The following ITPRID1 variants were observed in gnomAD, a reference collection of about 807,000 sequenced individuals.
ITPRID1 encodes protein ITPRID1.
ITPRID1 carries 96 observed loss-of-function variants against 95.4 expected under a neutral mutation model. The ratio of observed to expected loss-of-function variants is 1.01; its 90% CI spans 0.85 to 1.19. The LOEUF (loss-of-function observed/expected upper bound fraction) is 1.19. ITPRID1 is among the 50% of genes most tolerant of loss of function. The pLI, the probability that ITPRID1 is intolerant of heterozygous loss-of-function variation, is 0.00. For synonymous variants in ITPRID1, 510 were observed against 453.6 expected, an observed-to-expected ratio of 1.12 and a Z score of -1.58; for missense variants, 1,339 against 1,252.9, an observed-to-expected ratio of 1.07 and a Z score of -1.04.
intron 10 of ITPRID1, among the ~76,000 whole-genome samples, chr7:31,606,638 T>G (rs553935772): frequency 4.9e-4 from 75 of 152,286 alleles, no homozygotes; most frequent in Non-Finnish European, 8.4e-4. Flanking sequence ...TTTTAAAAAA[T>G]TCTTATGTCC....
intron 10 of ITPRID1, among the ~76,000 whole-genome samples, chr7:31,633,685 G>A (rs1476180222): frequency 6.6e-6 from 1 of 152,104 alleles, no homozygotes; most frequent in Non-Finnish European, 1.5e-5. Flanking sequence ...CCAACTCTAG[G>A]CTAACTTGCT....
chr7:31,601,798 G>T (rs554663880), intron 10 of ITPRID1, among the ~76,000 whole-genome samples: 1 of 152,260 alleles, frequency 6.6e-6, no homozygotes, highest in South Asian at 2.1e-4. Context: ...CAGGGAATTA[G>T]TGCATATGGA....
chr7:31,537,524 G>T (rs1206878496), intron 1 of ITPRID1, among the ~76,000 whole-genome samples: 1 of 151,762 alleles, frequency 6.6e-6, no homozygotes, highest in Non-Finnish European at 1.5e-5. Context: ...TCTGTTGTTA[G>T]GTTGGAAGTA....
At chr7:31,639,028 C>T (rs576100327) in intron 10 of ITPRID1, among the ~76,000 whole-genome samples, 9 of 152,216 alleles carry the variant, frequency 5.9e-5, no homozygotes, top group African/African-American at 1.2e-4. Context: ...CTGCCTGCCT[C>T]GGCCTCCCAA....
Position 31,578,186 on chromosome 7 carries a change from C to A in ITPRID1, c.922C>A (p.His308Asn), listed in dbSNP as rs1416452720. ...AACCTCAATCAACCACAAGCAAAAT[C>A]ATTTGTCTCTGTCAGTAGAACATCA... ...AATSINHKQN[H>N]LSLSVEHQSL... Residue 308 changes from histidine to asparagine, a missense_variant, in exon 9 of 15, where the codon CAT becomes AAT. Physicochemically the swap from His to Asn is moderately conservative, Grantham distance 68 (BLOSUM62 1). Coordinates refer to ENST00000615280, the MANE Select transcript of ITPRID1 (RefSeq NM_001257967.3). 5 of 1,613,726 alleles carry A rather than the reference C, an allele frequency of 3.1e-6. No individual in the cohort carries two copies. In the South Asian group the frequency reaches 5.5e-5, roughly 18 times the overall value.
intron 1 of ITPRID1, among the ~76,000 whole-genome samples, chr7:31,541,630 T>C (rs1783936159): frequency 6.6e-6 from 1 of 152,180 alleles, no homozygotes; most frequent in African/African-American, 2.4e-5. Flanking sequence ...AACATATTTA[T>C]ACAAATATAA....
chr7:31,546,581 CA>C (rs1784106570), intron 1 of ITPRID1, among the ~76,000 whole-genome samples: 1 of 152,128 alleles, frequency 6.6e-6, no homozygotes, highest in African/African-American at 2.4e-5. Flanking sequence ...TGCTAAATAT[CA>C]AACAGTCCTT....
intron 11 of ITPRID1, among the ~76,000 whole-genome samples, 158 bp from the exon 12 acceptor site, chr7:31,642,524 G>A (rs1487175196): frequency 6.6e-6 from 1 of 152,208 alleles, no homozygotes; most frequent in Non-Finnish European, 1.5e-5. Flanking sequence ...GCCTCCTAGA[G>A]AGGAGGACCT....
rs1388447319 is a variant in ITPRID1 at position 31,520,260 on chromosome 7, T to G, written c.-98+6140T>G. Among the ~76,000 whole-genome samples the G allele has an allele frequency of 2.0e-5, 3 of 152,166 alleles. No homozygotes were observed. The East Asian group carries it at 5.8e-4, about 29-fold the overall frequency. On this transcript the variant is annotated intron_variant, in intron 1 of 14. Transcript: ENST00000615280. ...CACTATCAACCTGACTTATCTCCAT[T>G]GATGTTAACCTGAACACCTGCCTGA...
intron 10 of ITPRID1, among the ~76,000 whole-genome samples, chr7:31,586,732 G>T (rs1373304509): frequency 6.6e-6 from 1 of 151,920 alleles, no homozygotes; most frequent in African/African-American, 2.4e-5. Context: ...TGTAGATTCT[G>T]GATATTAGCC....
intron 1 of ITPRID1, among the ~76,000 whole-genome samples, chr7:31,523,034 T>G (rs1783316244): frequency 1.3e-5 from 2 of 152,320 alleles, no homozygotes; most frequent in East Asian, 3.9e-4. Flanking sequence ...TAGTGAGTTT[T>G]TGATTCATAG....
intron 1 of ITPRID1, among the ~76,000 whole-genome samples, chr7:31,547,461 G>A (rs767601399): frequency 2.1e-4 from 26 of 121,752 alleles, no homozygotes; most frequent in Middle Eastern, 8.8e-3. Context: ...GCAAAGTGGG[G>A]GAAAGCCCCC....
chr7:31,539,346 G>T (rs1351924420), intron 1 of ITPRID1, among the ~76,000 whole-genome samples: 1 of 151,932 alleles, frequency 6.6e-6, no homozygotes, highest in African/African-American at 2.4e-5. Context: ...CACCACACCT[G>T]GCTAATTTTT....
chr7:31,516,017 A>G (rs1783029921), intron 1 of ITPRID1, among the ~76,000 whole-genome samples: 1 of 152,204 alleles, frequency 6.6e-6, no homozygotes, highest in African/African-American at 2.4e-5. Context: ...ATATTAGGTT[A>G]TTAAACATTG....
At chr7:31,567,120 C>T (rs1784827501) in intron 5 of ITPRID1, among the ~76,000 whole-genome samples, 1 of 152,112 alleles carries the variant, frequency 6.6e-6, no homozygotes, top group African/African-American at 2.4e-5. Flanking sequence ...TGACCTGGTG[C>T]ATAAGTTTGA....
At chr7:31,514,480 G>T (rs1782988736) in intron 1 of ITPRID1, among the ~76,000 whole-genome samples, 1 of 152,154 alleles carries the variant, frequency 6.6e-6, no homozygotes, top group East Asian at 1.9e-4. Context: ...GGGCAGAGGA[G>T]AAAAAAGCTA....
intron 10 of ITPRID1, among the ~76,000 whole-genome samples, chr7:31,625,797 GA>G (rs1357804058): frequency 1.3e-5 from 2 of 150,730 alleles, no homozygotes; most frequent in African/African-American, 4.9e-5. Context: ...TAAAGAATTA[GA>G]ATAAGCTTTC....
intron 10 of ITPRID1, among the ~76,000 whole-genome samples, chr7:31,590,479 C>G (rs1785817404): frequency 6.6e-6 from 1 of 151,984 alleles, no homozygotes. Context: ...GTCTGGGGTT[C>G]TAAAAAAGAT....
At chr7:31,566,035 C>G (rs1359005524) in intron 5 of ITPRID1, among the ~76,000 whole-genome samples, 1 of 152,156 alleles carries the variant, frequency 6.6e-6, no homozygotes, top group African/African-American at 2.4e-5. Flanking sequence ...GGAGAGTGCC[C>G]TTGGCTCCCT....
Sources: gnomAD v4.1 joint callset for allele counts (sites outside exome capture counted in the v4.1 genomes callset) on GRCh38, gnomAD v4.1.1 for gene constraint, MANE v1.5 for transcripts, NCBI Gene and HGNC (gene_info 2026-07-23, HGNC 2026-07-21) for gene names.